The following MAP4K1 variants were observed in gnomAD, a reference collection of about 807,000 sequenced individuals.
MAP4K1 encodes the protein mitogen-activated protein kinase kinase kinase kinase 1.
In MAP4K1, 35 loss-of-function variants were observed where a neutral mutation model predicts 122.8. That is an observed-to-expected ratio of 0.29 (90% CI 0.22 to 0.38). The LOEUF is 0.38. Ranked by LOEUF, MAP4K1 falls within the 10% of genes least tolerant of loss-of-function variation. MAP4K1 has a pLI of 1.00. For synonymous variants in MAP4K1, 412 were observed against 421.3 expected, an observed-to-expected ratio of 0.98 and a Z score of 0.27; for missense variants, 791 against 1,072.6, an observed-to-expected ratio of 0.74 and a Z score of 3.67.
In MAP4K1 at chr19:38,609,669, G is replaced by T; in HGVS notation, c.933C>A (p.Pro311=). Residue 311 remains proline, a synonymous_variant, in exon 13 of 31, where the codon CCC becomes CCA. Transcript: ENST00000396857. The part of the protein sequence containing the change: ...GDIEDEEPEL[P]PAIPRRIRST... ...ATCTGATCCGCCGAGGGATAGCAGG[G>T]GGTAGCTGGGCAGAGGGGCAGCCAC... 1 of 1,612,204 alleles carries T rather than the reference G, an allele frequency of 6.2e-7. No individual in the cohort carries two copies.
At chr19:38,590,265 T>C (rs1974663283) in intron 30 of MAP4K1, among the ~76,000 whole-genome samples, 1 of 149,002 alleles carries the variant, frequency 6.7e-6, no homozygotes, top group South Asian at 2.1e-4. Flanking sequence ...TTTCCTTTAA[T>C]TTTTAAAAAG....
intron 9 of MAP4K1, among the ~76,000 whole-genome samples, chr19:38,611,584 A>C (rs1975499580): frequency 6.6e-6 from 1 of 151,978 alleles, no homozygotes; most frequent in Non-Finnish European, 1.5e-5. Context: ...GGAGTTGGAG[A>C]CCAGCTGGGG....
chr19:38,614,772 A>C, intron 4 of MAP4K1: 8 of 348,540 alleles, frequency 2.3e-5, no homozygotes, highest in Non-Finnish European at 2.8e-5. Flanking sequence ...AAATACAAAA[A>C]TTAGCCAGGC....
rs1359961983 is a variant in MAP4K1, at chr19:38,605,748, G to A, written c.1201-18C>T. On this transcript the variant is annotated intron_variant, in intron 17 of 30. Coordinates refer to ENST00000396857, the MANE Select transcript of MAP4K1 (RefSeq NM_001042600.3). Reference sequence around the variant, plus strand: ...AACTTGGGCTTTGGAGACGGGAATGGAGCGTGGGGAAATACATCAGATGAT... The same window carrying A: ...AACTTGGGCTTTGGAGACGGGAATGAAGCGTGGGGAAATACATCAGATGAT... 1.3e-6 allele frequency: 2 copies of A among 1,598,542 alleles called. No individual in the cohort carries two copies. The highest frequency in any genetic ancestry group is 2.2e-5 in the East Asian group (1 of 44,632).
At position 38,605,740 on chromosome 19, in the gene MAP4K1, C is replaced by T. The variant is rs750310045; in HGVS notation, c.1201-10G>A. ...GAGAACGGAACTTGGGCTTTGGAGA[C>T]GGGAATGGAGCGTGGGGAAATACAT... On this transcript the variant is annotated splice_polypyrimidine_tract_variant and intron_variant, in intron 17 of 30. Coordinates refer to ENST00000396857, the MANE Select transcript of MAP4K1 (RefSeq NM_001042600.3). 5.4e-5 allele frequency: 87 copies of T among 1,602,484 alleles called. No homozygotes were observed. Among genetic ancestry groups the T allele is most frequent in the South Asian group, 1.9e-4 (17 of 89,910 alleles).
rs149074839 is a variant in MAP4K1, at chr19:38,611,356, C to T, written c.666-51G>A. ...GGTTCAGACCCTCAAGGGGGCCAGACCTCATGGCTTGAGGGGTTCCTAGTA... is the reference window on the plus strand; with the variant it reads ...GGTTCAGACCCTCAAGGGGGCCAGATCTCATGGCTTGAGGGGTTCCTAGTA... On this transcript the variant is annotated intron_variant, in intron 9 of 30. Transcript: ENST00000396857. 3.7e-3 allele frequency: 4,779 copies of T among 1,285,514 alleles called. 17 individuals are homozygous for T. The highest frequency in any genetic ancestry group is 0.01 in the Middle Eastern group (50 of 4,888). 79.6% of individuals were successfully genotyped at this position (1,285,514 alleles called of 1,614,324 possible). A position where few individuals can be genotyped will look rare whatever the true frequency, so the allele number is the denominator to read the frequency against.
chr19:38,601,776 C>T, intron 19 of MAP4K1: 1 of 465,258 alleles, frequency 2.1e-6, no homozygotes, highest in Non-Finnish European at 3.8e-6. Context: ...TATCCTAAAT[C>T]ATCAGCATTT....
chr19:38,599,858 T>A (rs1975008186), intron 22 of MAP4K1, 67 bp downstream of exon 22: 1 of 1,486,598 alleles, frequency 6.7e-7, no homozygotes, highest in Admixed American at 1.7e-5. Flanking sequence ...CCCGTCTACT[T>A]CCCAGCCCCC....
chr19:38,594,776 T>A lies in MAP4K1; in HGVS notation c.2340+709A>T, dbSNP rs1382894618. ...CAACATGGTGAAACCCTGTCTCTAC[T>A]AAAAATACAAAAAAATTAGCTAAGC... On this transcript the variant is annotated intron_variant, in intron 29 of 30. Transcript: ENST00000396857. Among the ~76,000 whole-genome samples the A allele has an allele frequency of 2.0e-5, 3 of 150,414 alleles. 1 individual carries two copies. Among genetic ancestry groups the A allele is most frequent in the Middle Eastern group, 7.0e-3 (2 of 284 alleles).
intron 30 of MAP4K1, among the ~76,000 whole-genome samples, chr19:38,588,376 A>C (rs1162194054): frequency 6.6e-6 from 1 of 152,132 alleles, no homozygotes; most frequent in Non-Finnish European, 1.5e-5. Flanking sequence ...GCTAAATTTA[A>C]GACCATTTGT....
rs200433980 is a variant in MAP4K1, at chr19:38,597,136, C to G, written c.1839G>C (p.Ala613=). 2 of 1,614,016 alleles carry G rather than the reference C, an allele frequency of 1.2e-6. No individual in the cohort carries two copies. The highest frequency in any genetic ancestry group is 2.7e-5 in the African/African-American group (2 of 74,926). Residue 613 remains alanine (A), a splice_region_variant and synonymous_variant, in exon 25 of 31, where the codon GCG becomes GCC. Transcript: ENST00000396857. The surrounding 1 kb of genome is among the most constrained non-coding windows in gnomAD (Gnocchi z 4.6). ...ACGGGCCCCCAGAGCTCGCACCCTC[C>G]GCTGTGGCATGGGCAAGGATGAGTC... ...DTKGCRACCV[A]EGASSGGPFL...
At position 38,608,799 on chromosome 19, in the gene MAP4K1, C is replaced by CAAAAAAAAAAAAA. The variant is rs1031744033; in HGVS notation, c.1007-642_1007-630dup. ...TGGGCGACAGAGTGAAACTCCGTCT[C>CAAAAAAAAAAAAA]AAAAAAAAAAAAAAAAAAAAAAAAA... On this transcript the variant is annotated intron_variant, in intron 13 of 30. Transcript: ENST00000396857. 5.2e-4 allele frequency among the ~76,000 whole-genome samples: 5 copies of CAAAAAAAAAAAAA among 9,558 alleles called. 1 individual carries two copies. The highest frequency in any genetic ancestry group is 8.8e-4 in the Non-Finnish European group (4 of 4,546). The allele number at this position is 9,558 out of a possible 152,430, so 6.3% of individuals were successfully genotyped here.
chr19:38,609,768 G>A, intron 12 of MAP4K1, 94 bp from the exon 13 acceptor site: 1 of 1,342,392 alleles, frequency 7.4e-7, no homozygotes, highest in Admixed American at 1.9e-5. Context: ...AACCCTCTGG[G>A]CACACAGCCT....
chr19:38,592,759 A>T (rs1485302193), intron 30 of MAP4K1, among the ~76,000 whole-genome samples: 1 of 151,550 alleles, frequency 6.6e-6, no homozygotes, highest in African/African-American at 2.4e-5. Context: ...TCTACTAAAA[A>T]ATATAGTATT....
At position 38,611,260 on chromosome 19, in the gene MAP4K1, C is replaced by T; in HGVS notation, c.711G>A (p.Leu237=). The T allele has an allele frequency of 6.2e-7, 1 of 1,613,688 alleles. No homozygotes were observed. The highest frequency in any genetic ancestry group is 2.2e-5 in the East Asian group (1 of 44,878). The change falls in exon 10 of 31, where the codon CTG becomes CTA. Residue 237 remains leucine (L), a synonymous_variant. Transcript: ENST00000396857. ...TCTCGTACCATTTGCCTTTTTCCTTCAGTCGGGGAGGCTGGTAGCCACTCT... is the reference window on the plus strand; with the variant it reads ...TCTCGTACCATTTGCCTTTTTCCTTTAGTCGGGGAGGCTGGTAGCCACTCT... The part of the protein sequence containing the change: ...MTKSGYQPPR[L]KEKGKWSAAF...
chr19:38,597,406 A>AG lies in MAP4K1; in HGVS notation c.1779-23dup, dbSNP rs750423262. 5 of 1,613,742 alleles carry AG rather than the reference A, an allele frequency of 3.1e-6. No individual in the cohort carries two copies. The highest frequency in any genetic ancestry group is 4.2e-6 in the Non-Finnish European group (5 of 1,179,926). On this transcript the variant is annotated intron_variant, in intron 23 of 30. Transcript: ENST00000396857. This position sits in a 1 kb window ranked among gnomAD's most constrained non-coding sequence, Gnocchi z 4.6. ...CTTCCTGGAGAATAGGTAGGTGTGA[A>AG]GGGGGGTAGGACAGCAGGAGGCAGA...
In MAP4K1 at chr19:38,590,388, AAAAAAAATATATATATATATAT is replaced by A. The variant is rs1380908326; in HGVS notation, c.2397-2593_2397-2572del. Among the ~76,000 whole-genome samples, 69 of 48,794 alleles carry A rather than the reference AAAAAAAATATATATATATATAT, an allele frequency of 1.4e-3. 6 individuals are homozygous for A. The highest frequency in any genetic ancestry group is 2.4e-3 in the Admixed American group (9 of 3,736). 32.0% of individuals were successfully genotyped at this position (48,794 alleles called of 152,430 possible). On this transcript the variant is annotated intron_variant, in intron 30 of 30. Coordinates refer to ENST00000396857, the MANE Select transcript of MAP4K1 (RefSeq NM_001042600.3). Reference sequence around the variant, plus strand: ...TCTTGGACCAGAAAAAAAAAAAAAAAAAAAAAATATATATATATATATATATATATATATATATATATATATA... The same window carrying A: ...TCTTGGACCAGAAAAAAAAAAAAAAAATATATATATATATATATATATATA...
At chr19:38,590,539 C>T (rs1362231887) in intron 30 of MAP4K1, among the ~76,000 whole-genome samples, 2 of 149,850 alleles carry the variant, frequency 1.3e-5, no homozygotes, top group African/African-American at 2.5e-5. Flanking sequence ...AGTGCAGTGG[C>T]GTAATCTCGG....
rs1975683158 is a variant in MAP4K1 at position 38,617,479 on chromosome 19, A to G, written c.158-35T>C. 1 of 1,592,016 alleles carries G rather than the reference A, an allele frequency of 6.3e-7. No homozygotes were observed. Among genetic ancestry groups the G allele is most frequent in the Non-Finnish European group, 8.6e-7 (1 of 1,159,878 alleles). ...GGGCGGGAGAGAAAAGGCAGCTCGC[A>G]TGGGGAGAGAGCTACAGGGGAGGTG... On this transcript the variant is annotated intron_variant, in intron 2 of 30. Transcript: ENST00000396857. The surrounding 1 kb of genome is among the most constrained non-coding windows in gnomAD (Gnocchi z 4.1).
Sources: gnomAD v4.1 joint callset for allele counts (sites outside exome capture counted in the v4.1 genomes callset) on GRCh38, gnomAD v4.1.1 for gene constraint, Gnocchi (gnomAD v3.1) non-coding constraint, MANE v1.5 for transcripts, NCBI Gene and HGNC (gene_info 2026-07-23, HGNC 2026-07-21) for gene names.